Variants in KCNQ3 observed in about 807,000 individuals in gnomAD.
KCNQ3 encodes potassium voltage-gated channel subfamily KQT member 3.
Under a neutral mutation model 92.5 loss-of-function variants are expected in KCNQ3, and 30 were observed. The observed-to-expected ratio is 0.32, with a 90% confidence interval of 0.24 to 0.44. The LOEUF is 0.44. Among genes scored for constraint, KCNQ3 ranks in the 20% least tolerant of loss-of-function variants. KCNQ3 has a pLI of 1.00. For synonymous variants in KCNQ3, 450 were observed against 468.8 expected (o/e 0.96, Z 0.52); for missense variants, 913 against 1,140.3 (o/e 0.80, Z 2.87).
chr8:132,230,449 CAGAGAG>C (rs5895132), intron 1 of KCNQ3, among the ~76,000 whole-genome samples: 16,223 of 142,072 alleles, frequency 0.11, 1,436 homozygotes, highest in African/African-American at 0.26. Context: ...GAGAGAGAGA[CAGAGAG>C]AGAGAGAGAG....
intron 1 of KCNQ3, among the ~76,000 whole-genome samples, chr8:132,440,106 C>G (rs1384821558): frequency 1.3e-5 from 2 of 152,166 alleles, no homozygotes; most frequent in East Asian, 3.8e-4. Context: ...AGTCATTATA[C>G]TGAATTGTTT....
intron 1 of KCNQ3, among the ~76,000 whole-genome samples, chr8:132,364,718 T>C (rs577688989): frequency 4.6e-5 from 7 of 151,414 alleles, no homozygotes; most frequent in Non-Finnish European, 1.0e-4. Context: ...GATGGATGGA[T>C]GGACGATGAA....
chr8:132,258,019 AAG>A, intron 1 of KCNQ3, among the ~76,000 whole-genome samples: 1 of 152,314 alleles, frequency 6.6e-6, no homozygotes, highest in African/African-American at 2.4e-5. Context: ...ATCAAGTAAA[AAG>A]AATCAAATTC....
At chr8:132,261,044 T>C (rs1231451973) in intron 1 of KCNQ3, among the ~76,000 whole-genome samples, 1 of 152,158 alleles carries the variant, frequency 6.6e-6, no homozygotes, top group Non-Finnish European at 1.5e-5. Context: ...TTTTCATCAC[T>C]CCAGAAAGAA....
At chr8:132,399,504 A>G (rs574538515) in intron 1 of KCNQ3, among the ~76,000 whole-genome samples, 3 of 152,158 alleles carry the variant, frequency 2.0e-5, no homozygotes, top group Non-Finnish European at 4.4e-5. Context: ...ATAGGAGAAG[A>G]GGGAAAAAGC....
intron 1 of KCNQ3, among the ~76,000 whole-genome samples, chr8:132,226,731 T>A (rs1416697444): frequency 6.6e-6 from 1 of 152,162 alleles, no homozygotes; most frequent in Non-Finnish European, 1.5e-5. Flanking sequence ...GAAGTCTGAC[T>A]GAGCAGAAGA....
intron 1 of KCNQ3, among the ~76,000 whole-genome samples, chr8:132,266,478 A>G (rs1439258139): frequency 6.6e-6 from 1 of 152,138 alleles, no homozygotes; most frequent in Non-Finnish European, 1.5e-5. Flanking sequence ...AGCTCATCAC[A>G]GCCTGTTTTT....
intron 8 of KCNQ3, among the ~76,000 whole-genome samples, chr8:132,168,052 A>T (rs1050837356): frequency 1.2e-4 from 18 of 152,336 alleles, no homozygotes; most frequent in African/African-American, 4.3e-4. Flanking sequence ...GTTACAAGTA[A>T]GTATACCCAA....
chr8:132,293,822 C>T (rs1816929474), intron 1 of KCNQ3, among the ~76,000 whole-genome samples: 2 of 152,220 alleles, frequency 1.3e-5, no homozygotes, highest in South Asian at 4.2e-4. Context: ...TGGCAGCAAG[C>T]AAATCACACA....
chr8:132,289,350 G>A (rs73358995), intron 1 of KCNQ3, among the ~76,000 whole-genome samples: 3,928 of 152,228 alleles, frequency 0.026, 188 homozygotes, highest in African/African-American at 0.089. Context: ...GTTACCCAAA[G>A]TTGGTGACCT....
At chr8:132,459,292 G>C (rs1228513997) in intron 1 of KCNQ3, among the ~76,000 whole-genome samples, 1 of 152,160 alleles carries the variant, frequency 6.6e-6, no homozygotes, top group African/African-American at 2.4e-5. Context: ...GTGCTACAAA[G>C]GAATACCTAA....
intron 1 of KCNQ3, among the ~76,000 whole-genome samples, chr8:132,442,727 G>A (rs1421384480): frequency 6.6e-6 from 1 of 152,182 alleles, no homozygotes; most frequent in Non-Finnish European, 1.5e-5. Flanking sequence ...TCTCCCAGAA[G>A]AAATATCCAG....
At chr8:132,226,001 G>A (rs1434299344) in intron 1 of KCNQ3, among the ~76,000 whole-genome samples, 1 of 152,164 alleles carries the variant, frequency 6.6e-6, no homozygotes, top group Non-Finnish European at 1.5e-5. Flanking sequence ...GCCAGGCATG[G>A]TGGCTCAAGC....
intron 3 of KCNQ3, 38 bp downstream of exon 3, chr8:132,184,203 G>A (rs1826883698): frequency 6.2e-7 from 1 of 1,613,552 alleles, no homozygotes; most frequent in Non-Finnish European, 8.5e-7. Context: ...CAAAAGAAGG[G>A]AACTGAGGAG....
intron 1 of KCNQ3, among the ~76,000 whole-genome samples, chr8:132,243,175 T>C (rs529286596): frequency 9.2e-5 from 14 of 152,350 alleles, no homozygotes; most frequent in African/African-American, 3.4e-4. Flanking sequence ...GATTTAGCTC[T>C]AATAATGTTG....
Position 132,126,638 on chromosome 8 carries a change from G to A in KCNQ3, c.*2624C>T, listed in dbSNP as rs1420469816. The A allele has an allele frequency of 6.6e-6, 1 of 151,684 alleles. No homozygotes were observed. Among genetic ancestry groups the A allele is most frequent in the Non-Finnish European group, 1.5e-5 (1 of 67,976 alleles). The allele number at this position is 151,684 out of a possible 1,614,324, so 9.4% of individuals were successfully genotyped here. ...GATAAAGACAACTTACTAGATGTTA[G>A]ACAATCAATACTTCCCTACTACTGA... On this transcript the variant is annotated 3_prime_UTR_variant, in exon 15 of 15. Coordinates refer to ENST00000388996, the MANE Select transcript of KCNQ3 (RefSeq NM_004519.4).
intron 1 of KCNQ3, among the ~76,000 whole-genome samples, chr8:132,394,597 A>G (rs1345256785): frequency 2.0e-5 from 3 of 152,190 alleles, no homozygotes; most frequent in Admixed American, 1.3e-4. Flanking sequence ...AACCTTTGGT[A>G]TTCAGAGATC....
intron 1 of KCNQ3, among the ~76,000 whole-genome samples, chr8:132,438,264 T>A (rs1215899949): frequency 6.6e-6 from 1 of 152,234 alleles, no homozygotes; most frequent in Non-Finnish European, 1.5e-5. Flanking sequence ...CTCTTTCAGG[T>A]CCTCAGATAC....
At chr8:132,453,613 C>T (rs1049013937) in intron 1 of KCNQ3, among the ~76,000 whole-genome samples, 31 of 152,310 alleles carry the variant, frequency 2.0e-4, no homozygotes, top group Non-Finnish European at 3.4e-4. Context: ...TCCTCTTCCC[C>T]TCCAAACCCT....
Sources: allele counts gnomAD v4.1 joint callset (sites outside exome capture counted in the v4.1 genomes callset), GRCh38; gene constraint gnomAD v4.1.1; transcripts MANE v1.5; gene names NCBI Gene and HGNC (gene_info 2026-07-23, HGNC 2026-07-21).